The following OSBP2 variants were observed in gnomAD, a reference collection of about 807,000 sequenced individuals.
The protein encoded by OSBP2 is oxysterol-binding protein 2.
OSBP2 carries 66 observed loss-of-function variants against 96.0 expected under a neutral mutation model. That is an observed-to-expected ratio of 0.69 (90% confidence interval 0.56 to 0.84). The LOEUF is 0.84. Ranked by LOEUF, OSBP2 falls within the 40% of genes least tolerant of loss-of-function variation. OSBP2 has a pLI of 0.00. For synonymous variants in OSBP2, 525 were observed against 520.9 expected (o/e 1.01, Z -0.11); for missense variants, 1,038 against 1,222.7 (o/e 0.85, Z 2.25).
At chr22:30,848,159 C>T (rs1196598013) in intron 2 of OSBP2, among the ~76,000 whole-genome samples, 4 of 152,040 alleles carry the variant, frequency 2.6e-5, no homozygotes, top group African/African-American at 9.7e-5. Flanking sequence ...GTTTAAATAA[C>T]CAGTCTCTTT....
At chr22:30,713,324 C>T (rs1383378301) in intron 1 of OSBP2, among the ~76,000 whole-genome samples, 1 of 151,980 alleles carries the variant, frequency 6.6e-6, no homozygotes, top group African/African-American at 2.4e-5. Flanking sequence ...CGTGATCTGC[C>T]CTCAGCCTCC....
At chr22:30,732,976 C>T (rs146175016) in intron 1 of OSBP2, among the ~76,000 whole-genome samples, 58 of 152,266 alleles carry the variant, frequency 3.8e-4, no homozygotes, top group Admixed American at 2.0e-3. Context: ...GGCCAGCACA[C>T]GAGGCATTCA....
intron 1 of OSBP2, among the ~76,000 whole-genome samples, chr22:30,736,766 T>C (rs1472887683): frequency 6.6e-6 from 1 of 152,230 alleles, no homozygotes; most frequent in Admixed American, 6.5e-5. Context: ...CATTAGTCTC[T>C]TTTTTTCTAT....
At chr22:30,846,272 A>C (rs1360197387) in intron 2 of OSBP2, among the ~76,000 whole-genome samples, 1 of 151,850 alleles carries the variant, frequency 6.6e-6, no homozygotes. Flanking sequence ...TCAGCCTTTC[A>C]TGTAGCTGAG....
At chr22:30,879,700 A>C (rs1193210420) in intron 3 of OSBP2, among the ~76,000 whole-genome samples, 1 of 152,234 alleles carries the variant, frequency 6.6e-6, no homozygotes, top group Admixed American at 6.5e-5. Flanking sequence ...CCAGAATCGC[A>C]GTGCAGCTCC....
rs189723172 is a variant in OSBP2 at position 30,762,173 on chromosome 22, G to T, written c.853+20804G>T. 2.6e-5 allele frequency among the ~76,000 whole-genome samples: 4 copies of T among 152,114 alleles called. No homozygotes were observed. The East Asian group carries it at 7.7e-4, about 29-fold the overall frequency. On this transcript the variant is annotated intron_variant, in intron 2 of 13. Transcript: ENST00000332585. ...GGAAGCAGAGGTTTCAGTGAACCGA[G>T]ATTACACTACTGCACTCCAGCCTGG...
At chr22:30,721,297 G>A (rs1264884799) in intron 1 of OSBP2, among the ~76,000 whole-genome samples, 1 of 152,132 alleles carries the variant, frequency 6.6e-6, no homozygotes, top group African/African-American at 2.4e-5. Context: ...AATGGTGCAT[G>A]GGAGAAAGAA....
chr22:30,730,733 T>A (rs541047857), intron 1 of OSBP2, among the ~76,000 whole-genome samples: 1 of 26,442 alleles, frequency 3.8e-5, no homozygotes, highest in African/African-American at 1.3e-4. Flanking sequence ...TCTCTCTCTC[T>A]CTCTCTCTCT....
At chr22:30,780,040 G>A (rs914796728) in intron 2 of OSBP2, among the ~76,000 whole-genome samples, 3 of 152,176 alleles carry the variant, frequency 2.0e-5, no homozygotes, top group African/African-American at 7.2e-5. Flanking sequence ...CATTCTGTAC[G>A]AAGCAAAAAC....
At chr22:30,873,801 T>C (rs879682961) in intron 3 of OSBP2, among the ~76,000 whole-genome samples, 12 of 152,224 alleles carry the variant, frequency 7.9e-5, no homozygotes, top group Non-Finnish European at 1.2e-4. Context: ...GAGGGATGGC[T>C]GGCCAGACAA....
intron 2 of OSBP2, chr22:30,822,508 G>GGACCCACGAGTGTCCGACGCCTC: frequency 7.4e-7 from 1 of 1,348,416 alleles, no homozygotes; most frequent in Non-Finnish European, 9.5e-7. Context: ...CGCGGCGCCG[G>GGACCCACGAGTGTCCGACGCCTC]GACCCACGAG....
chr22:30,727,160 C>T (rs1456099122), intron 1 of OSBP2, among the ~76,000 whole-genome samples: 1 of 152,208 alleles, frequency 6.6e-6, no homozygotes, highest in Admixed American at 6.5e-5. Flanking sequence ...CCATGTGAGA[C>T]ATTGCTAAGG....
intron 1 of OSBP2, among the ~76,000 whole-genome samples, chr22:30,725,545 CAAAAAA>C (rs71202009): frequency 6.9e-6 from 1 of 143,998 alleles, no homozygotes; most frequent in Non-Finnish European, 1.5e-5. Context: ...AAAACAAAAA[CAAAAAA>C]AAAAACACAC....
chr22:30,724,134 C>T (rs1004363834), intron 1 of OSBP2, among the ~76,000 whole-genome samples: 1 of 152,212 alleles, frequency 6.6e-6, no homozygotes, highest in African/African-American at 2.4e-5. Context: ...GTTGGAATCA[C>T]ACAGTATATA....
intron 3 of OSBP2, among the ~76,000 whole-genome samples, 174 bp from the exon 4 acceptor site, chr22:30,887,252 G>C (rs920342194): frequency 2.6e-5 from 4 of 152,120 alleles, no homozygotes; most frequent in Non-Finnish European, 5.9e-5. Context: ...CCTGTATTTT[G>C]TATCTCATCC....
intron 2 of OSBP2, among the ~76,000 whole-genome samples, chr22:30,830,392 G>GGAATGGAAC (rs2038496182): frequency 6.6e-6 from 1 of 152,234 alleles, no homozygotes; most frequent in African/African-American, 2.4e-5. Flanking sequence ...CCTGGACAGC[G>GGAATGGAAC]CCCTGGGGCT....
intron 1 of OSBP2, among the ~76,000 whole-genome samples, chr22:30,705,409 T>A (rs2089236727): frequency 6.6e-6 from 1 of 152,148 alleles, no homozygotes; most frequent in Non-Finnish European, 1.5e-5. Context: ...TTCTCCTGCC[T>A]CAGCCTCTCG....
At chr22:30,898,436 C>G (rs2040114045) in intron 12 of OSBP2, among the ~76,000 whole-genome samples, 1 of 152,152 alleles carries the variant, frequency 6.6e-6, no homozygotes, top group Non-Finnish European at 1.5e-5. Flanking sequence ...TATAAAGATA[C>G]CACCAGAGAC....
chr22:30,707,227 G>A (rs938222221), intron 1 of OSBP2, among the ~76,000 whole-genome samples: 1 of 152,030 alleles, frequency 6.6e-6, no homozygotes. Context: ...CTCCGGAGTA[G>A]GTGGGATTAC....
Sources: allele counts gnomAD v4.1 joint callset (sites outside exome capture counted in the v4.1 genomes callset), GRCh38; gene constraint gnomAD v4.1.1; transcripts MANE v1.5; gene names NCBI Gene and HGNC (gene_info 2026-07-23, HGNC 2026-07-21).